PRKAG2: variants seen among roughly 807,000 people sequenced by gnomAD.
PRKAG2 encodes protein kinase AMP-activated non-catalytic subunit gamma 2.
A neutral mutation model predicts 69.6 loss-of-function variants in PRKAG2; 26 were observed. That is an observed-to-expected ratio of 0.37 (90% confidence interval 0.27 to 0.52). The LOEUF (loss-of-function observed/expected upper bound fraction) is 0.52, where lower values mean the gene tolerates loss of function less well. Among genes scored for constraint, PRKAG2 ranks in the 20% least tolerant of loss-of-function variants. PRKAG2 has a pLI of 0.90. For missense variants in PRKAG2, 557 were observed against 740.0 expected (o/e 0.75, Z 2.87); for synonymous variants, 293 against 285.0 (o/e 1.03, Z -0.28).
intron 3 of PRKAG2, among the ~76,000 whole-genome samples, chr7:151,732,219 C>CCTTGA (rs1372842038): frequency 1.6e-4 from 23 of 147,466 alleles, no homozygotes; most frequent in Non-Finnish European, 1.2e-4. Flanking sequence ...CTCATTGCAG[C>CCTTGA]CTTGACCTCC....
At position 151,788,422 on chromosome 7, in the gene PRKAG2, C is replaced by G. The variant is rs147534122; in HGVS notation, c.115-1881G>C. Among the ~76,000 whole-genome samples the G allele has an allele frequency of 6.6e-6, 1 of 152,356 alleles. No individual in the cohort carries two copies. Among genetic ancestry groups the G allele is most frequent in the Non-Finnish European group, 1.5e-5 (1 of 68,030 alleles). On this transcript the variant is annotated intron_variant, in intron 1 of 15. Transcript: ENST00000287878. This position sits in a 1 kb window ranked among gnomAD's most constrained non-coding sequence, Gnocchi z 4.6. ...TATCATCTTTGGAGAAATGTCTATTCAGGCCATTTGTCTGACTTGTTTGGA... is the reference window on the plus strand; with the variant it reads ...TATCATCTTTGGAGAAATGTCTATTGAGGCCATTTGTCTGACTTGTTTGGA...
intron 1 of PRKAG2, among the ~76,000 whole-genome samples, chr7:151,793,042 C>A (rs971226262): frequency 3.3e-5 from 5 of 152,222 alleles, no homozygotes; most frequent in African/African-American, 1.2e-4. Context: ...GAGGGTTGAA[C>A]TAGAGAACCT....
chr7:151,645,660 G>A (rs953968211), intron 4 of PRKAG2, among the ~76,000 whole-genome samples: 41 of 152,222 alleles, frequency 2.7e-4, no homozygotes, highest in African/African-American at 9.6e-4. Context: ...CTCCTTCTGT[G>A]GCTTGCCTTT....
At chr7:151,770,052 C>G (rs1279437189) in intron 3 of PRKAG2, among the ~76,000 whole-genome samples, 2 of 152,232 alleles carry the variant, frequency 1.3e-5, no homozygotes, top group African/African-American at 4.8e-5. Context: ...ATTACACCCC[C>G]TCCCTTGCTA....
In PRKAG2 at chr7:151,632,615, G is replaced by A. The variant is rs2151329527; in HGVS notation, c.685-477C>T. The A allele has an allele frequency of 2.0e-6, 2 of 984,584 alleles. No homozygotes were observed. Among genetic ancestry groups the A allele is most frequent in the Admixed American group, 6.1e-5 (1 of 16,266 alleles). 61.0% of individuals were successfully genotyped at this position (984,584 alleles called of 1,614,324 possible). On this transcript the variant is annotated intron_variant, in intron 4 of 15. Coordinates refer to ENST00000287878, the MANE Select transcript of PRKAG2 (RefSeq NM_016203.4). This position sits in a 1 kb window ranked among gnomAD's most constrained non-coding sequence, Gnocchi z 4.2. Reference sequence around the variant, plus strand: ...GCGCTCGGCAGGCTCCACCTGCGCAGGTGTGGGCTCCGCGGCGCGGGGAGG... The same window carrying A: ...GCGCTCGGCAGGCTCCACCTGCGCAAGTGTGGGCTCCGCGGCGCGGGGAGG...
At chr7:151,761,997 A>G (rs936113901) in intron 3 of PRKAG2, among the ~76,000 whole-genome samples, 2 of 152,202 alleles carry the variant, frequency 1.3e-5, no homozygotes, top group Non-Finnish European at 2.9e-5. Flanking sequence ...TGGGAAGGGG[A>G]TACTTCTGAC....
intron 3 of PRKAG2, among the ~76,000 whole-genome samples, chr7:151,678,193 T>G (rs1440228660): frequency 6.6e-6 from 1 of 152,216 alleles, no homozygotes; most frequent in Non-Finnish European, 1.5e-5. Flanking sequence ...ATGTTACCAC[T>G]TAATGACAAA....
chr7:151,675,200 T>G, intron 4 of PRKAG2: 1 of 570,642 alleles, frequency 1.8e-6, no homozygotes, highest in Non-Finnish European at 3.2e-6. Context: ...GGACTACAGG[T>G]GTGAGCCACC....
intron 3 of PRKAG2, among the ~76,000 whole-genome samples, chr7:151,741,410 G>GTTTC (rs1488788737): frequency 2.6e-5 from 4 of 152,178 alleles, no homozygotes; most frequent in Non-Finnish European, 5.9e-5. Flanking sequence ...GGGCGCAGTG[G>GTTTC]CTCACACCTA....
Position 151,597,827 on chromosome 7 carries a change from C to CCCG in PRKAG2, c.755-2374_755-2373insCGG, listed in dbSNP as rs1554482740. ...GGATGTGGACAAAAGGGAGCCCCCC[C>CCCG]CCCCGCTCTTTTATTGAACTATTGG... On this transcript the variant is annotated intron_variant, in intron 5 of 15. Coordinates refer to ENST00000287878, the MANE Select transcript of PRKAG2 (RefSeq NM_016203.4). Among the ~76,000 whole-genome samples, 11 of 149,042 alleles carry CCCG rather than the reference C, an allele frequency of 7.4e-5. 1 individual carries two copies. Among genetic ancestry groups the CCCG allele is most frequent in the African/African-American group, 2.5e-4 (10 of 40,460 alleles).
intron 1 of PRKAG2, among the ~76,000 whole-genome samples, chr7:151,789,732 T>C (rs1479798586): frequency 1.3e-5 from 2 of 152,122 alleles, no homozygotes; most frequent in Non-Finnish European, 2.9e-5. Context: ...CTGGGGAGCA[T>C]GGGTAGAGTG....
At chr7:151,767,229 G>A (rs916223160) in intron 3 of PRKAG2, among the ~76,000 whole-genome samples, 2 of 152,204 alleles carry the variant, frequency 1.3e-5, no homozygotes, top group Non-Finnish European at 2.9e-5. Context: ...AGCCTCAGAA[G>A]GAGCCGGCCC....
At chr7:151,619,368 G>A (rs933950717) in intron 5 of PRKAG2, among the ~76,000 whole-genome samples, 2 of 152,126 alleles carry the variant, frequency 1.3e-5, no homozygotes, top group Non-Finnish European at 2.9e-5. Context: ...ATCCAAAAAC[G>A]TAAAATCCCA....
intron 1 of PRKAG2, among the ~76,000 whole-genome samples, chr7:151,853,657 G>A (rs2079634167): frequency 6.6e-6 from 1 of 151,892 alleles, no homozygotes; most frequent in African/African-American, 2.4e-5. Flanking sequence ...CTACTCCGGA[G>A]GCTGAGGCAG....
At chr7:151,708,130 T>A (rs1235305368) in intron 3 of PRKAG2, among the ~76,000 whole-genome samples, 1 of 152,194 alleles carries the variant, frequency 6.6e-6, no homozygotes, top group South Asian at 2.1e-4. Context: ...CCAGCAACAT[T>A]TGGCTGACCT....
intron 4 of PRKAG2, among the ~76,000 whole-genome samples, chr7:151,661,478 C>T (rs530252693): frequency 1.8e-4 from 27 of 152,260 alleles, no homozygotes; most frequent in African/African-American, 6.3e-4. Context: ...GAGGAAATCA[C>T]GGGCAGAGCT....
Position 151,876,741 on chromosome 7 carries a change from G to A in PRKAG2, c.-121C>T. On this transcript the variant is annotated 5_prime_UTR_variant, in exon 1 of 16. Coordinates refer to ENST00000287878, the MANE Select transcript of PRKAG2 (RefSeq NM_016203.4). ...CTGTTACACCCTGAAGCCACCTCGT[G>A]GGGACTTCCGCGGAGAGGGAGGGTG... 1 of 960,040 alleles carries A rather than the reference G, an allele frequency of 1.0e-6. No homozygotes were observed. Among genetic ancestry groups the A allele is most frequent in the Non-Finnish European group, 1.6e-6 (1 of 620,878 alleles). The allele number at this position is 960,040 out of a possible 1,614,324, so 59.5% of individuals were successfully genotyped here. A position where few individuals can be genotyped will look rare whatever the true frequency, so the allele number is the denominator to read the frequency against.
At chr7:151,584,637 C>G (rs1414494509) in intron 6 of PRKAG2, among the ~76,000 whole-genome samples, 1 of 152,194 alleles carries the variant, frequency 6.6e-6, no homozygotes, top group Non-Finnish European at 1.5e-5. Context: ...GCAAGGAAGG[C>G]TAGGCACAGT....
intron 6 of PRKAG2, among the ~76,000 whole-genome samples, chr7:151,579,151 A>G (rs1364917607): frequency 1.3e-5 from 2 of 152,074 alleles, no homozygotes; most frequent in African/African-American, 2.4e-5. Flanking sequence ...CAGCCTTCCA[A>G]GTAGCTGGGA....
Sources: gnomAD v4.1 joint callset for allele counts (sites outside exome capture counted in the v4.1 genomes callset) on GRCh38, gnomAD v4.1.1 for gene constraint, Gnocchi (gnomAD v3.1) non-coding constraint, MANE v1.5 for transcripts, NCBI Gene and HGNC (gene_info 2026-07-23, HGNC 2026-07-21) for gene names.